THSD7A: variants seen among roughly 807,000 people sequenced by gnomAD.
THSD7A encodes thrombospondin type 1 domain containing 7A.
A neutral mutation model predicts 231.3 loss-of-function variants in THSD7A; 96 were observed. The ratio of observed to expected loss-of-function variants is 0.41; its 90% CI spans 0.35 to 0.49. THSD7A has a LOEUF of 0.49. Among genes scored for constraint, THSD7A ranks in the 20% least tolerant of loss-of-function variants. The pLI is 0.05. For synonymous variants in THSD7A, 940 were observed against 743.3 expected (o/e 1.26, Z -4.30); for missense variants, 2,290 against 2,070.2 (o/e 1.11, Z -2.06).
rs951194111 is a variant in THSD7A at position 11,593,476 on chromosome 7, A to T, written c.1049T>A (p.Met350Lys). The T allele has an allele frequency of 1.9e-6, 3 of 1,613,818 alleles. No homozygotes were observed. Among genetic ancestry groups the T allele is most frequent in the Admixed American group, 1.7e-5 (1 of 60,010 alleles). ...GGTGATCACACAGGACTGGAAGGTC[A>T]TTGGAAGCTTCTCTTGCTGGCAAAA... is the stretch of plus-strand genomic sequence containing the variant. ...LSFCQQEKLP[M>K]TFQSCVITKE... is the part of the protein sequence containing the mutation. The change falls in exon 3 of 28, where the codon ATG becomes AAG. Residue 350 changes from methionine (M) to lysine (K), a missense_variant. Met to Lys is a moderately conservative substitution (Grantham distance 95). Coordinates refer to ENST00000423059, the MANE Select transcript of THSD7A (RefSeq NM_015204.3).
chr7:11,813,438 G>T lies in THSD7A; in HGVS notation c.190+18319C>A, dbSNP rs138523361. Among the ~76,000 whole-genome samples the T allele has an allele frequency of 3.5e-3, 540 of 152,230 alleles. 6 individuals are homozygous for T. The highest frequency in any genetic ancestry group is 0.011 in the African/African-American group (459 of 41,528). On this transcript the variant is annotated intron_variant, in intron 1 of 27. Transcript: ENST00000423059. Reference sequence around the variant, plus strand: ...GGTTTAAAAAACATGGCTCAACTGGGAGTGGTGACTCACACCTGTAATCTC... The same window carrying T: ...GGTTTAAAAAACATGGCTCAACTGGTAGTGGTGACTCACACCTGTAATCTC...
intron 1 of THSD7A, among the ~76,000 whole-genome samples, chr7:11,784,955 C>T (rs917429213): frequency 1.3e-5 from 2 of 152,048 alleles, no homozygotes; most frequent in African/African-American, 2.4e-5. Flanking sequence ...GTAAACCTTG[C>T]ACTTAAAGCA....
At chr7:11,570,520 T>C (rs1398405449) in intron 4 of THSD7A, among the ~76,000 whole-genome samples, 3 of 152,178 alleles carry the variant, frequency 2.0e-5, no homozygotes, top group East Asian at 1.9e-4. Flanking sequence ...AAATGATAAA[T>C]GTCTGAGATG....
chr7:11,760,932 T>G (rs530952860), intron 1 of THSD7A, among the ~76,000 whole-genome samples: 125 of 149,164 alleles, frequency 8.4e-4, no homozygotes, highest in African/African-American at 2.9e-3. Flanking sequence ...AAATAAAAAT[T>G]ACTGGCTATA....
chr7:11,501,754 T>A (rs1787345380), intron 6 of THSD7A, among the ~76,000 whole-genome samples: 1 of 152,020 alleles, frequency 6.6e-6, no homozygotes. Context: ...ACCCTAAAGC[T>A]AGGAGAAGAT....
chr7:11,384,983 A>G (rs549180664), intron 23 of THSD7A: 103 of 152,018 alleles, frequency 6.8e-4, no homozygotes, highest in African/African-American at 2.1e-3. Flanking sequence ...TTTTAGTTTC[A>G]TATCTTCCAA....
intron 17 of THSD7A, among the ~76,000 whole-genome samples, chr7:11,416,801 T>C: frequency 6.6e-6 from 1 of 152,190 alleles, no homozygotes; most frequent in Non-Finnish European, 1.5e-5. Context: ...AATGACTCTC[T>C]TCCCAGAGTC....
intron 1 of THSD7A, among the ~76,000 whole-genome samples, chr7:11,772,469 A>G (rs913427422): frequency 6.6e-6 from 1 of 152,208 alleles, no homozygotes; most frequent in Non-Finnish European, 1.5e-5. Flanking sequence ...CATGGAATCA[A>G]TCTAGATGCC....
intron 9 of THSD7A, among the ~76,000 whole-genome samples, chr7:11,465,360 T>A (rs1438917695): frequency 6.6e-6 from 1 of 152,112 alleles, no homozygotes; most frequent in East Asian, 1.9e-4. Flanking sequence ...GGCACCTGCC[T>A]GTGACGTTTG....
intron 1 of THSD7A, among the ~76,000 whole-genome samples, chr7:11,720,811 A>G (rs1781324427): frequency 6.6e-6 from 1 of 151,560 alleles, no homozygotes; most frequent in Non-Finnish European, 1.5e-5. Flanking sequence ...TCCTCTAAAC[A>G]TCATTTTCCC....
At chr7:11,631,542 T>G (rs1398641239) in intron 2 of THSD7A, among the ~76,000 whole-genome samples, 1 of 152,136 alleles carries the variant, frequency 6.6e-6, no homozygotes, top group Non-Finnish European at 1.5e-5. Context: ...AATATTCCCA[T>G]GAGCTGAGCA....
intron 1 of THSD7A, among the ~76,000 whole-genome samples, chr7:11,688,228 A>T (rs1157637935): frequency 6.6e-6 from 1 of 151,760 alleles, no homozygotes; most frequent in Middle Eastern, 3.2e-3. Context: ...CCTACAAAGG[A>T]CATCAACTCA....
intron 1 of THSD7A, among the ~76,000 whole-genome samples, chr7:11,795,198 G>C (rs1784086321): frequency 6.6e-6 from 1 of 151,972 alleles, no homozygotes; most frequent in Middle Eastern, 3.4e-3. Context: ...AGTGAAATTA[G>C]CATCCCAAAA....
rs146024164 is a variant in THSD7A at position 11,461,788 on chromosome 7, G to A, written c.2501+223C>T. ...TTCCCCAAACTACTGGAGCTAACAC[G>A]TCACCTTGGAAGTTTACACAAATAT... On this transcript the variant is annotated intron_variant, in intron 10 of 27. Coordinates refer to ENST00000423059, the MANE Select transcript of THSD7A (RefSeq NM_015204.3). Among the ~76,000 whole-genome samples, 199 of 152,216 alleles carry A rather than the reference G, an allele frequency of 1.3e-3. 1 individual carries two copies. The highest frequency in any genetic ancestry group is 0.01 in the Middle Eastern group (3 of 294).
In THSD7A at chr7:11,680,660, C is replaced by T. The variant is rs1351587248; in HGVS notation, c.191-43699G>A. Among the ~76,000 whole-genome samples the T allele has an allele frequency of 1.3e-5, 2 of 152,172 alleles. 1 individual carries two copies. Among genetic ancestry groups the T allele is most frequent in the Admixed American group, 1.3e-4 (2 of 15,264 alleles). On this transcript the variant is annotated intron_variant, in intron 1 of 27. Coordinates refer to ENST00000423059, the MANE Select transcript of THSD7A (RefSeq NM_015204.3). ...TCAAAATCACAATGAGATACCATCT[C>T]ACAGCAGTTAGAATAGCGATCATTC... is the stretch of plus-strand genomic sequence containing the variant.
chr7:11,731,780 G>C (rs1261204157), intron 1 of THSD7A, among the ~76,000 whole-genome samples: 1 of 151,640 alleles, frequency 6.6e-6, no homozygotes, highest in Non-Finnish European at 1.5e-5. Flanking sequence ...AATCTAATTT[G>C]TGTTTGTGGG....
rs921065060 is a variant in THSD7A, at chr7:11,741,004, A to G, written c.190+90753T>C. Among the ~76,000 whole-genome samples the G allele has an allele frequency of 9.2e-5, 14 of 152,068 alleles. No homozygotes were observed. In the South Asian group the frequency reaches 2.7e-3, roughly 29 times the overall value. ...GTCTTTTATGTATTAAATGGTGATC[A>G]TATAAATTATTTTTCAAACTGAGAC... On this transcript the variant is annotated intron_variant, in intron 1 of 27. Transcript: ENST00000423059.
In THSD7A at chr7:11,690,861, C is replaced by T. The variant is rs189400568; in HGVS notation, c.191-53900G>A. 1.9e-3 allele frequency among the ~76,000 whole-genome samples: 288 copies of T among 151,664 alleles called. 3 individuals carry two copies. Among genetic ancestry groups the T allele is most frequent in the Middle Eastern group, 0.014 (4 of 294 alleles). ...TCCTTCAACAATTTTTAGTTTTCTT[C>T]GAAGTGATATTTTCTAAATGTTAAA... On this transcript the variant is annotated intron_variant, in intron 1 of 27. Transcript: ENST00000423059.
intron 1 of THSD7A, among the ~76,000 whole-genome samples, chr7:11,664,030 T>TGG (rs145369173): frequency 0.16 from 24,330 of 151,600 alleles, 2,072 homozygotes; most frequent in Non-Finnish European, 0.21. Context: ...TCCAACTTGC[T>TGG]GGGATCTTTT....
Sources: allele counts gnomAD v4.1 joint callset (sites outside exome capture counted in the v4.1 genomes callset), GRCh38; gene constraint gnomAD v4.1.1; transcripts MANE v1.5; gene names NCBI Gene and HGNC (gene_info 2026-07-23, HGNC 2026-07-21).